The following PEX14 variants were observed in gnomAD, a reference collection of about 807,000 sequenced individuals.
PEX14 encodes peroxisomal membrane protein PEX14.
In PEX14, 15 loss-of-function variants were observed where a neutral mutation model predicts 49.5. That is an observed-to-expected ratio of 0.30 (90% confidence interval 0.20 to 0.47). PEX14 has a LOEUF of 0.47. Ranked by LOEUF, PEX14 falls within the 20% of genes least tolerant of loss-of-function variation. PEX14 has a pLI of 1.00. For synonymous variants in PEX14, 210 were observed against 212.7 expected, an observed-to-expected ratio of 0.99 and a Z score of 0.11; for missense variants, 398 against 494.8, an observed-to-expected ratio of 0.80 and a Z score of 1.86.
intron 2 of PEX14, chr1:10,516,952 G>A (rs536485355): frequency 6.6e-6 from 1 of 152,372 alleles, no homozygotes; most frequent in South Asian, 2.1e-4. Context: ...GTTTTAAGAT[G>A]GCAGAGCCTT....
intron 3 of PEX14, among the ~76,000 whole-genome samples, chr1:10,566,230 G>T (rs11121593): frequency 0.62 from 93,546 of 152,046 alleles, 30,031 homozygotes; most frequent in Admixed American, 0.7. Flanking sequence ...GCTGTTTTGA[G>T]TTGAATTTCT....
chr1:10,518,632 A>C (rs1290745037), intron 2 of PEX14, among the ~76,000 whole-genome samples: 1 of 152,190 alleles, frequency 6.6e-6, no homozygotes, highest in African/African-American at 2.4e-5. Context: ...TTCCAATTCC[A>C]ATTAGATTGA....
At chr1:10,490,274 C>A (rs1641447474) in intron 1 of PEX14, among the ~76,000 whole-genome samples, 1 of 152,182 alleles carries the variant, frequency 6.6e-6, no homozygotes, top group Non-Finnish European at 1.5e-5. Flanking sequence ...TGGCTTAGGA[C>A]CTATCTGGAG....
chr1:10,535,779 G>GTC (rs1638782163), intron 2 of PEX14: 1 of 312,848 alleles, frequency 3.2e-6, no homozygotes, highest in African/African-American at 2.2e-5. Flanking sequence ...TAGAGAACGT[G>GTC]TGTGTGTGTG....
Position 10,606,142 on chromosome 1 carries a change from A to T in PEX14, c.298+6776A>T, listed in dbSNP as rs1223805637. On this transcript the variant is annotated intron_variant, in intron 4 of 8. Coordinates refer to ENST00000356607, the MANE Select transcript of PEX14 (RefSeq NM_004565.3). ...ACAAGAGTGGCTTAAAGAGAGAGGAATTTTTCTCTATTACATAAATGTAGG... is the reference window on the plus strand; with the variant it reads ...ACAAGAGTGGCTTAAAGAGAGAGGATTTTTTCTCTATTACATAAATGTAGG... 4.6e-5 allele frequency among the ~76,000 whole-genome samples: 7 copies of T among 152,250 alleles called. No individual in the cohort carries two copies. The East Asian group carries it at 9.6e-4, about 21-fold the overall frequency.
chr1:10,519,566 A>G (rs1023092920), intron 2 of PEX14, among the ~76,000 whole-genome samples: 1 of 152,194 alleles, frequency 6.6e-6, no homozygotes, highest in Non-Finnish European at 1.5e-5. Flanking sequence ...CAGGCTATGC[A>G]TTAGGTGCAC....
chr1:10,540,166 G>A (rs553050891), intron 3 of PEX14, among the ~76,000 whole-genome samples: 16 of 152,146 alleles, frequency 1.1e-4, no homozygotes, highest in Non-Finnish European at 1.6e-4. Context: ...TAGAAACCCC[G>A]GTAGCAAAAC....
At chr1:10,536,188 TC>T (rs768658585) in intron 2 of PEX14, 24 bp from the exon 3 acceptor site, 2 of 1,418,596 alleles carry the variant, frequency 1.4e-6, no homozygotes, top group Non-Finnish European at 2.0e-6. Flanking sequence ...TGAAGTTTAC[TC>T]CTCTATTTTC....
Position 10,512,065 on chromosome 1 carries a change from T to G in PEX14, c.84+16744T>G, listed in dbSNP as rs1269851697. ...CGCTCCGCCTCCCGGGTTTACGCCA[T>G]TCTCCTGCCTCAGCTTCCCGAATAA... On this transcript the variant is annotated intron_variant, in intron 2 of 8. Coordinates refer to ENST00000356607, the MANE Select transcript of PEX14 (RefSeq NM_004565.3). The surrounding 1 kb of genome is among the most constrained non-coding windows in gnomAD (Gnocchi z 4.6). 6.6e-6 allele frequency among the ~76,000 whole-genome samples: 1 copy of G among 152,114 alleles called. No homozygotes were observed. The highest frequency in any genetic ancestry group is 1.5e-5 in the Non-Finnish European group (1 of 68,016).
intron 3 of PEX14, among the ~76,000 whole-genome samples, chr1:10,598,879 C>CT (rs58484171): frequency 0.3 from 39,610 of 131,614 alleles, 5,688 homozygotes; most frequent in Admixed American, 0.44. Context: ...TTTTTCCCCT[C>CT]TTTTTTTTTT....
rs116772253 is a variant in PEX14, at chr1:10,504,236, T to C, written c.84+8915T>C. Among the ~76,000 whole-genome samples the C allele has an allele frequency of 2.6e-3, 398 of 152,274 alleles. 5 individuals carry two copies. The highest frequency in any genetic ancestry group is 9.3e-3 in the African/African-American group (386 of 41,562). On this transcript the variant is annotated intron_variant, in intron 2 of 8. Coordinates refer to ENST00000356607, the MANE Select transcript of PEX14 (RefSeq NM_004565.3). ...TCCCAGCTCTCCTTTCTTTTATGGTTTGTAGTTATAACCGAGATTTATGCT... is the reference window on the plus strand; with the variant it reads ...TCCCAGCTCTCCTTTCTTTTATGGTCTGTAGTTATAACCGAGATTTATGCT...
intron 3 of PEX14, among the ~76,000 whole-genome samples, chr1:10,545,296 A>G (rs946924495): frequency 5.9e-5 from 9 of 152,218 alleles, no homozygotes. Flanking sequence ...GGTGCTGTCA[A>G]TATTTATAAG....
chr1:10,622,185 C>T (rs2124638204), intron 5 of PEX14, among the ~76,000 whole-genome samples: 1 of 152,318 alleles, frequency 6.6e-6, no homozygotes, highest in South Asian at 2.1e-4. Flanking sequence ...GCCCTGCCTG[C>T]CCCCTTCCTG....
chr1:10,514,156 CTGTGTGTGTGTGTGTGTGTG>C lies in PEX14; in HGVS notation c.84+18859_84+18878del, dbSNP rs56306413. Among the ~76,000 whole-genome samples, 21 of 143,264 alleles carry C rather than the reference CTGTGTGTGTGTGTGTGTGTG, an allele frequency of 1.5e-4. No individual in the cohort carries two copies. The highest frequency in any genetic ancestry group is 9.0e-4 in the Admixed American group (13 of 14,368). The allele number at this position is 143,264 out of a possible 152,430, so 94.0% of individuals were successfully genotyped here. On this transcript the variant is annotated intron_variant, in intron 2 of 8. Transcript: ENST00000356607. This position sits in a 1 kb window ranked among gnomAD's most constrained non-coding sequence, Gnocchi z 4.4. The stretch of plus-strand genomic sequence containing the variant: ...AAAATGTATAAAATAATCTATGCCT[CTGTGTGTGTGTGTGTGTGTG>C]TGTGTGTGTGTGTGTGTGTGTGTAT...
chr1:10,546,379 A>C (rs1007310080), intron 3 of PEX14, among the ~76,000 whole-genome samples: 1 of 151,604 alleles, frequency 6.6e-6, no homozygotes, highest in East Asian at 1.9e-4. Context: ...CAGCCTGACC[A>C]ACATGGCGAA....
chr1:10,536,347 TG>T, intron 3 of PEX14, 50 bp downstream of exon 3: 1 of 1,121,092 alleles, frequency 8.9e-7, no homozygotes, highest in Non-Finnish European at 1.4e-6. Context: ...GGACTGGGGC[TG>T]GGGCAGATGG....
chr1:10,586,478 T>C (rs1033796249), intron 3 of PEX14, among the ~76,000 whole-genome samples: 48 of 152,118 alleles, frequency 3.2e-4, no homozygotes, highest in African/African-American at 1.0e-3. Context: ...TTAAGAATGT[T>C]GATAGCAGCA....
At chr1:10,603,073 G>C (rs1557868214) in intron 4 of PEX14, among the ~76,000 whole-genome samples, 1 of 152,218 alleles carries the variant, frequency 6.6e-6, no homozygotes, top group Non-Finnish European at 1.5e-5. Context: ...CTCAGTGGCA[G>C]GTGTGCCACT....
At chr1:10,627,880 G>A (rs1223684991) in intron 8 of PEX14, among the ~76,000 whole-genome samples, 1 of 152,238 alleles carries the variant, frequency 6.6e-6, no homozygotes, top group Non-Finnish European at 1.5e-5. Flanking sequence ...CAGCCTCAGA[G>A]GTAGGGTGAC....
Sources: gnomAD v4.1 joint callset for allele counts (sites outside exome capture counted in the v4.1 genomes callset) on GRCh38, gnomAD v4.1.1 for gene constraint, Gnocchi (gnomAD v3.1) non-coding constraint, MANE v1.5 for transcripts, NCBI Gene and HGNC (gene_info 2026-07-23, HGNC 2026-07-21) for gene names.